LRRC74A: variants seen among roughly 807,000 people sequenced by gnomAD.
LRRC74A encodes leucine-rich repeat-containing protein 74A.
LRRC74A carries 44 observed loss-of-function variants against 57.9 expected under a neutral mutation model. That is an observed-to-expected ratio of 0.76 (90% CI 0.60 to 0.98). The LOEUF (loss-of-function observed/expected upper bound fraction) is 0.98. LRRC74A is among the 50% of genes least tolerant of loss of function. LRRC74A has a pLI of 0.00. For synonymous variants in LRRC74A, 211 were observed against 219.4 expected, an observed-to-expected ratio of 0.96 and a Z score of 0.34; for missense variants, 572 against 574.0, an observed-to-expected ratio of 1.00 and a Z score of 0.04.
In LRRC74A at chr14:76,826,747, C is replaced by T. The variant is rs774157975; in HGVS notation, c.37+13C>T. 4.0e-6 allele frequency: 6 copies of T among 1,485,800 alleles called. No homozygotes were observed. In the South Asian group the frequency reaches 7.3e-5, roughly 18 times the overall value. The allele number at this position is 1,485,800 out of a possible 1,614,324, so 92.0% of individuals were successfully genotyped here. A position where few individuals can be genotyped will look rare whatever the true frequency, so the allele number is the denominator to read the frequency against. On this transcript the variant is annotated intron_variant, in intron 1 of 13. Transcript: ENST00000689127. ...CCTGAGACAGAAGGTGAAAGGGCAT[C>T]CCATCTCTCACCACTCAGGCCCGTC...
chr14:76,857,782 A>G (rs1353514072), intron 10 of LRRC74A, among the ~76,000 whole-genome samples: 2 of 152,218 alleles, frequency 1.3e-5, no homozygotes, highest in African/African-American at 4.8e-5. Context: ...CCAAAACAGA[A>G]TTCTTTAACA....
intron 3 of LRRC74A, among the ~76,000 whole-genome samples, chr14:76,832,836 G>C (rs550137454): frequency 1.3e-5 from 2 of 152,284 alleles, no homozygotes; most frequent in South Asian, 4.1e-4. Flanking sequence ...CTGCAGAGCA[G>C]TGAAAAGGAA....
intron 5 of LRRC74A, among the ~76,000 whole-genome samples, chr14:76,843,387 T>A (rs191088129): frequency 6.6e-6 from 1 of 152,300 alleles, no homozygotes; most frequent in East Asian, 1.9e-4. Flanking sequence ...TAGGATATTA[T>A]TCTTCTTGAT....
rs768785566 is a variant in LRRC74A at position 76,826,466 on chromosome 14, C to T, written c.-232C>T. 6.7e-7 allele frequency: 1 copy of T among 1,494,618 alleles called. No individual in the cohort carries two copies. The highest frequency in any genetic ancestry group is 9.1e-7 in the Non-Finnish European group (1 of 1,101,668). The allele number at this position is 1,494,618 out of a possible 1,614,324, so 92.6% of individuals were successfully genotyped here. A position where few individuals can be genotyped will look rare whatever the true frequency, so the allele number is the denominator to read the frequency against. ...CCCAGATGAGCTGGAGAAGTAGCTA[C>T]CTCTCCCAGACAGAGTTGGGGTCAA... On this transcript the variant is annotated 5_prime_UTR_variant, in exon 1 of 14. Coordinates refer to ENST00000689127, the MANE Select transcript of LRRC74A (RefSeq NM_001385106.1).
chr14:76,843,487 A>T (rs910920385), intron 5 of LRRC74A, among the ~76,000 whole-genome samples: 5 of 151,946 alleles, frequency 3.3e-5, no homozygotes, highest in Admixed American at 6.6e-5. Flanking sequence ...AACTTGGATG[A>T]GCATTTTTAG....
chr14:76,834,944 G>A (rs1213329888), intron 3 of LRRC74A, among the ~76,000 whole-genome samples: 2 of 152,194 alleles, frequency 1.3e-5, no homozygotes, highest in Non-Finnish European at 2.9e-5. Flanking sequence ...CATTGCAATA[G>A]CTTGGACTAT....
rs754120975 is a variant in LRRC74A, at chr14:76,826,560, C to T, written c.-138C>T. The T allele has an allele frequency of 1.2e-6, 2 of 1,612,460 alleles. No individual in the cohort carries two copies. Among genetic ancestry groups the T allele is most frequent in the South Asian group, 1.1e-5 (1 of 90,600 alleles). ...GCTTGCTGGGAGGGAAGGATAACTG[C>T]AGGCTCCCCTGGGATGCCCCCAGGT... On this transcript the variant is annotated 5_prime_UTR_variant, in exon 1 of 14. Transcript: ENST00000689127.
intron 7 of LRRC74A, among the ~76,000 whole-genome samples, chr14:76,845,794 G>A (rs145986921): frequency 2.4e-4 from 36 of 152,366 alleles, no homozygotes; most frequent in African/African-American, 5.8e-4. Flanking sequence ...GCCGAGGTGG[G>A]CAGATCACGA....
At chr14:76,832,768 G>A (rs1485334582) in intron 3 of LRRC74A, among the ~76,000 whole-genome samples, 2 of 152,200 alleles carry the variant, frequency 1.3e-5, no homozygotes, top group Non-Finnish European at 2.9e-5. Flanking sequence ...GATGTCAGTA[G>A]TAGTTTCACC....
intron 6 of LRRC74A, 141 bp downstream of exon 6, chr14:76,844,613 A>C: frequency 1.1e-6 from 1 of 873,858 alleles, no homozygotes; most frequent in South Asian, 1.6e-5. Context: ...TGCCAACCCC[A>C]ACAAAGGCAC....
At position 76,837,978 on chromosome 14, in the gene LRRC74A, A is replaced by G; in HGVS notation, c.544+7A>G. 1.3e-6 allele frequency: 2 copies of G among 1,533,730 alleles called. No homozygotes were observed. Among genetic ancestry groups the G allele is most frequent in the Non-Finnish European group, 1.8e-6 (2 of 1,125,564 alleles). ...TGGAGCCTTGAGCTTTCAGGTGAGC[A>G]CATGGAAAGGGAGGGAGAAGACACT... is the stretch of plus-strand genomic sequence containing the variant. On this transcript the variant is annotated splice_region_variant and intron_variant, in intron 5 of 13. Coordinates refer to ENST00000689127, the MANE Select transcript of LRRC74A (RefSeq NM_001385106.1).
intron 13 of LRRC74A, among the ~76,000 whole-genome samples, chr14:76,868,804 G>A (rs1273577465): frequency 6.6e-6 from 1 of 152,230 alleles, no homozygotes; most frequent in Non-Finnish European, 1.5e-5. Context: ...GACAAGAAAG[G>A]CAGCCAGACC....
intron 13 of LRRC74A, among the ~76,000 whole-genome samples, chr14:76,868,138 G>A (rs1899101273): frequency 6.6e-6 from 1 of 152,210 alleles, no homozygotes. Flanking sequence ...CTTAGCAAGT[G>A]ATGAAACAGA....
At chr14:76,853,159 G>T (rs1445694330) in intron 8 of LRRC74A, 57 bp from the exon 9 acceptor site, 6 of 1,502,632 alleles carry the variant, frequency 4.0e-6, no homozygotes, top group South Asian at 1.2e-5. Flanking sequence ...GGACCCTTTT[G>T]GTTGGATGAG....
chr14:76,858,247 C>T (rs975401670), intron 10 of LRRC74A, among the ~76,000 whole-genome samples: 1 of 152,144 alleles, frequency 6.6e-6, no homozygotes, highest in African/African-American at 2.4e-5. Flanking sequence ...GGCCTGATTC[C>T]TTCTTAGGGC....
At chr14:76,854,103 CT>C (rs1229615173) in intron 9 of LRRC74A, among the ~76,000 whole-genome samples, 4 of 152,184 alleles carry the variant, frequency 2.6e-5, no homozygotes, top group African/African-American at 9.7e-5. Context: ...CCAAGACCCC[CT>C]GGTCTTCTCT....
intron 5 of LRRC74A, among the ~76,000 whole-genome samples, chr14:76,843,372 T>C (rs966538845): frequency 2.0e-5 from 3 of 152,152 alleles, no homozygotes; most frequent in Non-Finnish European, 2.9e-5. Context: ...TTTAAAATGT[T>C]GTATTAGGAT....
intron 3 of LRRC74A, among the ~76,000 whole-genome samples, chr14:76,833,717 A>G (rs1017275139): frequency 3.9e-5 from 6 of 152,192 alleles, no homozygotes; most frequent in African/African-American, 1.4e-4. Flanking sequence ...TGCTGGGATT[A>G]CAGGCATGAG....
Position 76,844,294 on chromosome 14 carries a change from C to T in LRRC74A, c.545-129C>T, listed in dbSNP as rs367992527. 189 of 821,438 alleles carry T rather than the reference C, an allele frequency of 2.3e-4. 4 individuals carry two copies. In the South Asian group the frequency reaches 2.9e-3, roughly 13 times the overall value. The allele number at this position is 821,438 out of a possible 1,614,324, so 50.9% of individuals were successfully genotyped here. A position where few individuals can be genotyped will look rare whatever the true frequency, so the allele number is the denominator to read the frequency against. ...CTGGGATTACAGGCGTAAGCCAATG[C>T]GTCTGGCCCCTACCACCTTTTTTCT... is the stretch of plus-strand genomic sequence containing the variant. On this transcript the variant is annotated intron_variant, in intron 5 of 13. Transcript: ENST00000689127.
Sources: allele counts gnomAD v4.1 joint callset (sites outside exome capture counted in the v4.1 genomes callset), GRCh38; gene constraint gnomAD v4.1.1; transcripts MANE v1.5; gene names NCBI Gene and HGNC (gene_info 2026-07-23, HGNC 2026-07-21).